Variants in TMEM132D observed in about 807,000 individuals in gnomAD.
The protein encoded by TMEM132D is mature OL transmembrane protein.
Under a neutral mutation model 62.3 loss-of-function variants are expected in TMEM132D, and 21 were observed. That is an observed-to-expected ratio of 0.34 (90% CI 0.24 to 0.49). The LOEUF (loss-of-function observed/expected upper bound fraction) is 0.49. Among genes scored for constraint, TMEM132D ranks in the 20% least tolerant of loss-of-function variants. The probability of loss-of-function intolerance (pLI) is 0.99; values close to 1 mark genes in which losing one functional copy is unlikely to be tolerated. For synonymous variants in TMEM132D, 621 were observed against 575.6 expected (o/e 1.08, Z -1.13); for missense variants, 1,346 against 1,402.8 (o/e 0.96, Z 0.65).
intron 4 of TMEM132D, chr12:129,211,838 A>C (rs1879060442): frequency 6.6e-6 from 1 of 152,194 alleles, no homozygotes; most frequent in Non-Finnish European, 1.5e-5. Context: ...ACATGGCACA[A>C]ACATGAAGGG....
intron 3 of TMEM132D, among the ~76,000 whole-genome samples, chr12:129,364,078 A>G (rs1870331966): frequency 6.6e-6 from 1 of 152,210 alleles, no homozygotes; most frequent in South Asian, 2.1e-4. Flanking sequence ...TTTAGTGTGG[A>G]AAGTCATTTG....
intron 1 of TMEM132D, among the ~76,000 whole-genome samples, chr12:129,819,351 A>C (rs1419250698): frequency 6.6e-6 from 1 of 152,198 alleles, no homozygotes; most frequent in Non-Finnish European, 1.5e-5. Context: ...TATTTATAAT[A>C]ATTGAATAAA....
At chr12:129,427,927 T>C (rs1394378945) in intron 3 of TMEM132D, among the ~76,000 whole-genome samples, 1 of 152,172 alleles carries the variant, frequency 6.6e-6, no homozygotes, top group Non-Finnish European at 1.5e-5. Flanking sequence ...TTATCTTATC[T>C]TATCTCTCCT....
intron 3 of TMEM132D, among the ~76,000 whole-genome samples, chr12:129,377,726 T>C (rs1422261163): frequency 1.3e-5 from 2 of 152,180 alleles, no homozygotes; most frequent in Non-Finnish European, 2.9e-5. Flanking sequence ...CCTTCTTTTG[T>C]CTGTTGAGTA....
intron 3 of TMEM132D, among the ~76,000 whole-genome samples, chr12:129,444,125 G>T (rs768694754): frequency 6.6e-6 from 1 of 152,062 alleles, no homozygotes; most frequent in Non-Finnish European, 1.5e-5. Flanking sequence ...ATGGATGAAA[G>T]ACTTAAATGT....
chr12:129,756,913 T>G (rs1774313612), intron 1 of TMEM132D, among the ~76,000 whole-genome samples: 1 of 152,286 alleles, frequency 6.6e-6, no homozygotes, highest in South Asian at 2.1e-4. Flanking sequence ...CCTTTTCTGG[T>G]GGATGTCAGA....
chr12:129,196,999 G>A (rs1878567506), intron 5 of TMEM132D, among the ~76,000 whole-genome samples: 1 of 152,138 alleles, frequency 6.6e-6, no homozygotes, highest in African/African-American at 2.4e-5. Flanking sequence ...AAAAGGCCCA[G>A]TAGAGTCCAT....
intron 1 of TMEM132D, among the ~76,000 whole-genome samples, chr12:129,791,717 T>A (rs1488830804): frequency 6.6e-6 from 1 of 152,156 alleles, no homozygotes; most frequent in African/African-American, 2.4e-5. Flanking sequence ...TTATGATTTT[T>A]CAAAATCCAA....
intron 2 of TMEM132D, among the ~76,000 whole-genome samples, chr12:129,544,359 A>G (rs756641358): frequency 1.3e-5 from 2 of 152,272 alleles, no homozygotes; most frequent in Non-Finnish European, 2.9e-5. Flanking sequence ...GCATGAAATA[A>G]AGATCCAGCT....
intron 3 of TMEM132D, among the ~76,000 whole-genome samples, chr12:129,409,734 T>C (rs1269754902): frequency 6.6e-6 from 1 of 152,182 alleles, no homozygotes; most frequent in Non-Finnish European, 1.5e-5. Flanking sequence ...TAAATACACA[T>C]ATTTGAACAC....
At chr12:129,124,844 A>G (rs940072456) in intron 5 of TMEM132D, among the ~76,000 whole-genome samples, 4 of 152,204 alleles carry the variant, frequency 2.6e-5, no homozygotes, top group Non-Finnish European at 4.4e-5. Flanking sequence ...GGGAAGACCT[A>G]TGCATCATCC....
chr12:129,636,808 C>G (rs753673441), intron 2 of TMEM132D, among the ~76,000 whole-genome samples: 1 of 149,284 alleles, frequency 6.7e-6, no homozygotes, highest in Admixed American at 6.7e-5. Context: ...CTGGTATGAA[C>G]CTGACTGGTA....
chr12:129,674,415 T>C (rs1880578451), intron 2 of TMEM132D, among the ~76,000 whole-genome samples: 1 of 152,252 alleles, frequency 6.6e-6, no homozygotes, highest in East Asian at 1.9e-4. Context: ...CTCACCAAAG[T>C]AACCCTACTT....
In TMEM132D at chr12:129,361,198, G is replaced by T. The variant is rs112683780; in HGVS notation, c.1116-23381C>A. Reference sequence around the variant, plus strand: ...TAAGAAATTCAAATGAAATAAGACTGCAGGAGAGACACAGGTGAGCTTGCA... The same window carrying T: ...TAAGAAATTCAAATGAAATAAGACTTCAGGAGAGACACAGGTGAGCTTGCA... On this transcript the variant is annotated intron_variant, in intron 3 of 8. Transcript: ENST00000422113. 1.6e-3 allele frequency among the ~76,000 whole-genome samples: 238 copies of T among 152,328 alleles called. 4 individuals are homozygous for T. The highest frequency in any genetic ancestry group is 5.4e-3 in the African/African-American group (223 of 41,578).
intron 2 of TMEM132D, among the ~76,000 whole-genome samples, chr12:129,673,917 C>A (rs148034900): frequency 1.5e-3 from 223 of 152,220 alleles, no homozygotes; most frequent in African/African-American, 5.2e-3. Context: ...TGCCCCTTTT[C>A]CAAGGTGACA....
chr12:129,441,141 T>C lies in TMEM132D; in HGVS notation c.1115+89918A>G, dbSNP rs891031257. Among the ~76,000 whole-genome samples the C allele has an allele frequency of 7.9e-5, 12 of 152,270 alleles. 1 individual carries two copies. In the East Asian group the frequency reaches 1.2e-3, roughly 15 times the overall value. On this transcript the variant is annotated intron_variant, in intron 3 of 8. Coordinates refer to ENST00000422113, the MANE Select transcript of TMEM132D (RefSeq NM_133448.3). ...TGGATGTTCACTAAGATTTGCAAGATTGCATGCACATACCTGTATATATGC... is the reference window on the plus strand; with the variant it reads ...TGGATGTTCACTAAGATTTGCAAGACTGCATGCACATACCTGTATATATGC...
At chr12:129,180,933 G>A (rs1878047587) in intron 5 of TMEM132D, among the ~76,000 whole-genome samples, 1 of 152,160 alleles carries the variant, frequency 6.6e-6, no homozygotes, top group Non-Finnish European at 1.5e-5. Flanking sequence ...TTCTTGGTGG[G>A]ATGAGAAGAT....
At chr12:129,170,019 G>C (rs375623746) in intron 5 of TMEM132D, 119 of 152,302 alleles carry the variant, frequency 7.8e-4, no homozygotes, top group African/African-American at 2.6e-3. Context: ...CTGTGGTTCT[G>C]ATCATGTCTA....
At chr12:129,088,059 C>T (rs112321495) in intron 5 of TMEM132D, among the ~76,000 whole-genome samples, 3 of 85,132 alleles carry the variant, frequency 3.5e-5, no homozygotes, top group Admixed American at 1.3e-4. Context: ...GGGTGTCCTC[C>T]ATGACCGGGG....
Sources: allele counts gnomAD v4.1 joint callset (sites outside exome capture counted in the v4.1 genomes callset), GRCh38; gene constraint gnomAD v4.1.1; transcripts MANE v1.5; gene names NCBI Gene and HGNC (gene_info 2026-07-23, HGNC 2026-07-21).